Variants in LRP1B observed in about 807,000 individuals in gnomAD.
LRP1B encodes LDL receptor related protein 1B.
Under a neutral mutation model 556.6 loss-of-function variants are expected in LRP1B, and 217 were observed. The ratio of observed to expected loss-of-function variants is 0.39; its 90% confidence interval spans 0.35 to 0.44. The LOEUF (loss-of-function observed/expected upper bound fraction) is 0.44, where lower values mean the gene tolerates loss of function less well. LRP1B is among the 20% of genes least tolerant of loss of function. The probability of loss-of-function intolerance (pLI) is 1.00; values close to 1 mark genes in which losing one functional copy is unlikely to be tolerated. For synonymous variants in LRP1B, 2,047 were observed against 1,865.8 expected, an observed-to-expected ratio of 1.10 and a Z score of -2.50; for missense variants, 5,053 against 5,620.8, an observed-to-expected ratio of 0.90 and a Z score of 3.23.
intron 1 of LRP1B, among the ~76,000 whole-genome samples, chr2:141,848,609 A>G (rs944760435): frequency 2.0e-5 from 3 of 151,606 alleles, no homozygotes; most frequent in Non-Finnish European, 4.4e-5. Flanking sequence ...AATTATCTTT[A>G]TAACAATACC....
intron 41 of LRP1B, among the ~76,000 whole-genome samples, chr2:140,688,111 C>A (rs752134178): frequency 6.6e-6 from 1 of 151,794 alleles, no homozygotes; most frequent in Non-Finnish European, 1.5e-5. Context: ...TTACCTCATT[C>A]AAGTCAAAAC....
intron 2 of LRP1B, among the ~76,000 whole-genome samples, chr2:141,635,381 CAT>C (rs1410335143): frequency 6.6e-6 from 1 of 151,880 alleles, no homozygotes; most frequent in Non-Finnish European, 1.5e-5. Context: ...AGAAATGAAA[CAT>C]ATATGTTAAT....
intron 1 of LRP1B, among the ~76,000 whole-genome samples, chr2:141,968,733 A>G (rs1701634986): frequency 6.6e-6 from 1 of 151,742 alleles, no homozygotes; most frequent in African/African-American, 2.4e-5. Flanking sequence ...TCTGTTTTTC[A>G]CGTGTTACTA....
intron 32 of LRP1B, among the ~76,000 whole-genome samples, chr2:140,797,469 T>C (rs1399316469): frequency 6.6e-6 from 1 of 152,108 alleles, no homozygotes; most frequent in Admixed American, 6.6e-5. Flanking sequence ...CTATAACAGC[T>C]TGAAATATTT....
chr2:140,362,608 C>G (rs538522197), intron 72 of LRP1B, among the ~76,000 whole-genome samples: 61 of 151,666 alleles, frequency 4.0e-4, no homozygotes, highest in African/African-American at 1.4e-3. Context: ...CTTGAGTAAG[C>G]CATGGTTTGC....
At chr2:140,656,946 A>G (rs891097140) in intron 41 of LRP1B, among the ~76,000 whole-genome samples, 2 of 152,164 alleles carry the variant, frequency 1.3e-5, no homozygotes, top group African/African-American at 2.4e-5. Context: ...ATCACAAACA[A>G]GACAATGAAT....
chr2:140,609,175 C>T lies in LRP1B; in HGVS notation c.6800-7536G>A, dbSNP rs536331361. Among the ~76,000 whole-genome samples the T allele has an allele frequency of 7.2e-5, 11 of 152,220 alleles. No homozygotes were observed. In the East Asian group the frequency reaches 1.9e-3, roughly 27 times the overall value. The stretch of plus-strand genomic sequence containing the variant: ...TGAAACCCTCAGGTATGCTGTAATT[C>T]GCCATCCAAGGAGAGGCTGTGAGAC... On this transcript the variant is annotated intron_variant, in intron 41 of 90. Coordinates refer to ENST00000389484, the MANE Select transcript of LRP1B (RefSeq NM_018557.3).
rs141897712 is a variant in LRP1B at position 140,404,861 on chromosome 2, T to C, written c.10415-18852A>G. Among the ~76,000 whole-genome samples the C allele has an allele frequency of 7.0e-3, 1,061 of 152,238 alleles. 6 individuals are homozygous for C. Among genetic ancestry groups the C allele is most frequent in the Admixed American group, 0.011 (166 of 15,292 alleles). On this transcript the variant is annotated intron_variant, in intron 66 of 90. Coordinates refer to ENST00000389484, the MANE Select transcript of LRP1B (RefSeq NM_018557.3). ...AAAGAAACAATGGACTTAAACTATC[T>C]CTAGAACACATTGACTTAACAGATT...
At chr2:141,371,514 T>C (rs1358584171) in intron 3 of LRP1B, among the ~76,000 whole-genome samples, 1 of 152,200 alleles carries the variant, frequency 6.6e-6, no homozygotes, top group Non-Finnish European at 1.5e-5. Context: ...GACCACGGGA[T>C]GTTATTCCAC....
At chr2:140,616,883 T>A (rs1225233805) in intron 41 of LRP1B, among the ~76,000 whole-genome samples, 2 of 151,910 alleles carry the variant, frequency 1.3e-5, no homozygotes, top group Non-Finnish European at 2.9e-5. Context: ...TGACTACAAA[T>A]CTTGAATGCC....
chr2:141,740,883 C>T (rs1693673296), intron 2 of LRP1B, among the ~76,000 whole-genome samples: 1 of 151,964 alleles, frequency 6.6e-6, no homozygotes, highest in Non-Finnish European at 1.5e-5. Flanking sequence ...TTTTTTGTAC[C>T]CATTAACCAT....
At chr2:140,575,992 C>A (rs1213732697) in intron 43 of LRP1B, among the ~76,000 whole-genome samples, 1 of 151,906 alleles carries the variant, frequency 6.6e-6, no homozygotes, top group Non-Finnish European at 1.5e-5. Context: ...AGCAGTCATT[C>A]AAAAAAGTAT....
intron 5 of LRP1B, among the ~76,000 whole-genome samples, chr2:141,240,953 A>C (rs760783359): frequency 7.4e-4 from 113 of 152,142 alleles, no homozygotes; most frequent in Non-Finnish European, 1.4e-3. Flanking sequence ...TCAATCTTGC[A>C]ACTCTGTTTC....
chr2:141,991,144 A>G (rs764755885), intron 1 of LRP1B, among the ~76,000 whole-genome samples: 5 of 152,088 alleles, frequency 3.3e-5, no homozygotes, highest in Non-Finnish European at 7.4e-5. Flanking sequence ...TTAGTTACAC[A>G]TGAAATCTTT....
intron 2 of LRP1B, among the ~76,000 whole-genome samples, chr2:141,496,276 T>TA (rs541646535): frequency 4.7e-4 from 69 of 148,010 alleles, no homozygotes; most frequent in South Asian, 3.8e-3. Context: ...CTATGCACTC[T>TA]AAAAAAAAAA....
intron 85 of LRP1B, among the ~76,000 whole-genome samples, chr2:140,273,402 A>G (rs1372863551): frequency 7.5e-6 from 1 of 133,552 alleles, no homozygotes; most frequent in Non-Finnish European, 1.6e-5. Flanking sequence ...ATTTTCAATT[A>G]CTTTACTAAA....
chr2:141,088,773 T>A (rs968917700), intron 7 of LRP1B, among the ~76,000 whole-genome samples: 5 of 152,226 alleles, frequency 3.3e-5, no homozygotes, highest in African/African-American at 1.2e-4. Flanking sequence ...AGCACTAGGG[T>A]GCTTCAAATG....
intron 1 of LRP1B, among the ~76,000 whole-genome samples, chr2:141,822,733 T>C (rs1696797615): frequency 6.6e-6 from 1 of 152,204 alleles, no homozygotes; most frequent in Non-Finnish European, 1.5e-5. Context: ...TTCCCTATTT[T>C]AAAAGGTCCT....
At chr2:140,437,922 TTTGTTATATAACTTATATAACATGATAC>T (rs1686255921) in intron 66 of LRP1B, among the ~76,000 whole-genome samples, 4 of 152,192 alleles carry the variant, frequency 2.6e-5, no homozygotes, top group African/African-American at 7.2e-5. Flanking sequence ...ATAGAATATA[TTTGTTATATAACTTATATAACATGATAC>T]TTGTTATATA....
Sources: gnomAD v4.1 joint callset for allele counts (sites outside exome capture counted in the v4.1 genomes callset) on GRCh38, gnomAD v4.1.1 for gene constraint, MANE v1.5 for transcripts, NCBI Gene and HGNC (gene_info 2026-07-23, HGNC 2026-07-21) for gene names.